The following NACC2 variants were observed in gnomAD, a reference collection of about 807,000 sequenced individuals.
The protein encoded by NACC2 is NACC family member 2, also known as nucleus accumbens-associated protein 2.
NACC2 carries 8 observed loss-of-function variants against 25.1 expected under a neutral mutation model. The observed-to-expected ratio is 0.32, with a 90% CI of 0.19 to 0.57. The LOEUF (loss-of-function observed/expected upper bound fraction) is 0.57, where lower values mean the gene tolerates loss of function less well. Ranked by LOEUF, NACC2 falls within the 20% of genes least tolerant of loss-of-function variation. NACC2 has a pLI of 0.89. For synonymous variants in NACC2, 435 were observed against 294.7 expected (o/e 1.48, Z -4.88); for missense variants, 644 against 650.2 (o/e 0.99, Z 0.10).
At chr9:136,024,049 G>A (rs925687085) in intron 2 of NACC2, among the ~76,000 whole-genome samples, 8 of 152,130 alleles carry the variant, frequency 5.3e-5, no homozygotes, top group African/African-American at 1.9e-4. Context: ...GAGTGTGTGG[G>A]GACAGCGTGT....
intron 2 of NACC2, among the ~76,000 whole-genome samples, chr9:136,042,713 G>GAC (rs564217810): frequency 6.9e-6 from 1 of 145,172 alleles, no homozygotes; most frequent in Non-Finnish European, 1.5e-5. Context: ...CAGACACAGA[G>GAC]ACACACACAC....
At chr9:136,036,463 G>C (rs957684710) in intron 2 of NACC2, among the ~76,000 whole-genome samples, 1 of 151,992 alleles carries the variant, frequency 6.6e-6, no homozygotes. Flanking sequence ...GCTGATACAG[G>C]TTATTTTATA....
At chr9:136,016,061 C>T (rs577628425) in intron 3 of NACC2, among the ~76,000 whole-genome samples, 2 of 152,336 alleles carry the variant, frequency 1.3e-5, no homozygotes, top group East Asian at 1.9e-4. Context: ...GCGACCAGCC[C>T]AGGGGATTCA....
intron 1 of NACC2, among the ~76,000 whole-genome samples, chr9:136,061,249 C>T (rs1352403171): frequency 6.6e-6 from 1 of 152,192 alleles, no homozygotes. Flanking sequence ...TCCTGACACC[C>T]CAGCTGGAGT....
chr9:136,034,188 C>T (rs1013762393), intron 2 of NACC2, among the ~76,000 whole-genome samples: 19 of 152,044 alleles, frequency 1.2e-4, no homozygotes, highest in Non-Finnish European at 2.8e-4. Flanking sequence ...CGCAGGCCAG[C>T]GGCGGAAAAG....
At chr9:136,067,802 C>G (rs10115368) in intron 1 of NACC2, among the ~76,000 whole-genome samples, 76,086 of 152,100 alleles carry the variant, frequency 0.5, 19,916 homozygotes, top group Middle Eastern at 0.65. Flanking sequence ...GGCACTGCCT[C>G]CAGTCTGGCA....
chr9:136,063,520 G>A (rs979645573), intron 1 of NACC2, among the ~76,000 whole-genome samples: 2 of 152,188 alleles, frequency 1.3e-5, no homozygotes, highest in Non-Finnish European at 2.9e-5. Flanking sequence ...GGACCAGGAC[G>A]AGCCTTTCCC....
rs923895103 is a variant in NACC2, at chr9:136,011,642, C to T, written c.1638G>A (p.Glu546=). 4.3e-6 allele frequency: 6 copies of T among 1,403,340 alleles called. No homozygotes were observed. The highest frequency in any genetic ancestry group is 5.5e-6 in the Non-Finnish European group (6 of 1,083,956). The allele number at this position is 1,403,340 out of a possible 1,614,324, so 86.9% of individuals were successfully genotyped here. ...GGCTCTGGCCATCGGCGGGCAGCGG[C>T]TCGGGGGCGGCCACCTCCTGGATGA... ...GSVIQEVAAP[E]PLPADGQSPP... is the part of the protein sequence containing the mutation. The change falls in exon 6 of 6, where the codon GAG becomes GAA. Residue 546 remains glutamate, a synonymous_variant. Transcript: ENST00000277554.
chr9:136,073,501 G>A (rs375621673), intron 1 of NACC2, among the ~76,000 whole-genome samples: 3 of 152,106 alleles, frequency 2.0e-5, no homozygotes, highest in South Asian at 2.1e-4. Flanking sequence ...GGGTGTGAGC[G>A]TGGATCCAGC....
At chr9:136,063,324 T>C (rs1380829569) in intron 1 of NACC2, among the ~76,000 whole-genome samples, 1 of 152,236 alleles carries the variant, frequency 6.6e-6, no homozygotes, top group African/African-American at 2.4e-5. Flanking sequence ...CCTGTGGAGA[T>C]GCCTGCAGGG....
At chr9:136,035,721 A>G (rs1001323935) in intron 2 of NACC2, among the ~76,000 whole-genome samples, 1 of 152,044 alleles carries the variant, frequency 6.6e-6, no homozygotes, top group Admixed American at 6.6e-5. Context: ...TTAAAAAAAA[A>G]AAAAAGTTCA....
intron 1 of NACC2, among the ~76,000 whole-genome samples, chr9:136,094,874 G>A (rs1319125998): frequency 6.6e-6 from 1 of 150,930 alleles, no homozygotes; most frequent in Admixed American, 6.6e-5. Flanking sequence ...GGCGGGGAGC[G>A]CCCCGGGACG....
In NACC2 at chr9:136,012,018, C is replaced by T; in HGVS notation, c.1262G>A (p.Cys421Tyr). 6.3e-7 allele frequency: 1 copy of T among 1,580,472 alleles called. No homozygotes were observed. Residue 421 changes from cysteine to tyrosine, a missense_variant, in exon 6 of 6, where the codon TGT becomes TAT. Transcript: ENST00000277554. ...SRVLNAVKLY[C>Y]QNFAPSFKES... ...CTTGAAGCTGGGGGCGAAGTTCTGA[C>T]AGTACACTGTGAGGACGGGGCGGCG... is the stretch of plus-strand genomic sequence containing the variant.
intron 1 of NACC2, among the ~76,000 whole-genome samples, chr9:136,090,799 G>A (rs1436646948): frequency 1.3e-5 from 2 of 152,160 alleles, no homozygotes; most frequent in Non-Finnish European, 1.5e-5. Context: ...GGGCCGGGCT[G>A]CCCTCGGGGC....
intron 1 of NACC2, among the ~76,000 whole-genome samples, chr9:136,059,910 C>A (rs74653792): frequency 0.018 from 2,773 of 152,334 alleles, 86 homozygotes; most frequent in African/African-American, 0.063. Flanking sequence ...AGACCCACCC[C>A]GATGTCCTGA....
In NACC2 at chr9:136,055,552, G is replaced by T. The variant is rs1181152051; in HGVS notation, c.-59-4972C>A. On this transcript the variant is annotated intron_variant, in intron 1 of 5. Coordinates refer to ENST00000277554, the MANE Select transcript of NACC2 (RefSeq NM_144653.5). This position sits in a 1 kb window ranked among gnomAD's most constrained non-coding sequence, Gnocchi z 4.9. ...ACCCTGCCCCCTCCACCCCTAGATTGTAAAGCACTTTCTAAGCCCAGCACA... is the reference window on the plus strand; with the variant it reads ...ACCCTGCCCCCTCCACCCCTAGATTTTAAAGCACTTTCTAAGCCCAGCACA... Among the ~76,000 whole-genome samples, 1 of 152,194 alleles carries T rather than the reference G, an allele frequency of 6.6e-6. No homozygotes were observed. Among genetic ancestry groups the T allele is most frequent in the African/African-American group, 2.4e-5 (1 of 41,428 alleles).
At chr9:136,053,629 G>A (rs1840881444) in intron 1 of NACC2, among the ~76,000 whole-genome samples, 1 of 152,190 alleles carries the variant, frequency 6.6e-6, no homozygotes, top group African/African-American at 2.4e-5. Context: ...ACAAGAGAGG[G>A]GCCTGTGCAA....
intron 1 of NACC2, among the ~76,000 whole-genome samples, chr9:136,051,638 C>T (rs1840839718): frequency 6.6e-6 from 1 of 152,038 alleles, no homozygotes. Context: ...AGGGCGGAGC[C>T]ACCGCGCCGG....
intron 1 of NACC2, among the ~76,000 whole-genome samples, chr9:136,058,322 C>T (rs1239916006): frequency 6.6e-6 from 1 of 152,252 alleles, no homozygotes; most frequent in Admixed American, 6.5e-5. Flanking sequence ...CCCCATCCTG[C>T]CCGGTCCCCA....
Sources: gnomAD v4.1 joint callset for allele counts (sites outside exome capture counted in the v4.1 genomes callset) on GRCh38, gnomAD v4.1.1 for gene constraint, Gnocchi (gnomAD v3.1) non-coding constraint, MANE v1.5 for transcripts, NCBI Gene and HGNC (gene_info 2026-07-23, HGNC 2026-07-21) for gene names.